LPIN1: variants seen among roughly 807,000 people sequenced by gnomAD.
LPIN1 encodes phosphatidate phosphatase LPIN1.
A neutral mutation model predicts 107.5 loss-of-function variants in LPIN1; 71 were observed. The observed-to-expected ratio is 0.66, with a 90% CI of 0.55 to 0.80. The LOEUF (loss-of-function observed/expected upper bound fraction) is 0.80. Ranked by LOEUF, LPIN1 falls within the 30% of genes least tolerant of loss-of-function variation. LPIN1 has a pLI of 0.00. For missense variants in LPIN1, 1,043 were observed against 1,160.6 expected, an observed-to-expected ratio of 0.90 and a Z score of 1.47; for synonymous variants, 445 against 452.6, an observed-to-expected ratio of 0.98 and a Z score of 0.21.
chr2:11,708,113 A>G (rs929209422), intron 1 of LPIN1, among the ~76,000 whole-genome samples: 5 of 152,124 alleles, frequency 3.3e-5, no homozygotes, highest in African/African-American at 1.2e-4. Context: ...CTAACAGGAC[A>G]GAGAAGGAAA....
At chr2:11,790,506 G>A (rs1451536797) in intron 12 of LPIN1, among the ~76,000 whole-genome samples, 1 of 152,200 alleles carries the variant, frequency 6.6e-6, no homozygotes, top group African/African-American at 2.4e-5. Context: ...GAACGGCTTC[G>A]ACCATTGAGG....
Position 11,771,635 on chromosome 2 carries a change from C to T in LPIN1, c.552C>T (p.Ile184=), listed in dbSNP as rs11538448. 199,447 of 1,603,708 alleles carry T rather than the reference C, an allele frequency of 0.12. 14,091 individuals are homozygous for T. Among genetic ancestry groups the T allele is most frequent in the Non-Finnish European group, 0.14 (169,784 of 1,174,968 alleles). Reference sequence around the variant, plus strand: ...CTGAGGATGAGGACATGTTCCCCATCGAGATGAGCTCGGATGAGGCCATGG... The same window carrying T: ...CTGAGGATGAGGACATGTTCCCCATTGAGATGAGCTCGGATGAGGCCATGG... The part of the protein sequence containing the change: ...NTSEDEDMFP[I]EMSSDEAMEL... The change falls in exon 4 of 21, where the codon ATC becomes ATT. Residue 184 remains isoleucine, a synonymous_variant. Transcript: ENST00000674199. This position sits in a 1 kb window ranked among gnomAD's most constrained non-coding sequence, Gnocchi z 4.8.
rs73915572 is a variant in LPIN1, at chr2:11,798,731, G to A, written c.1886+3244G>A. On this transcript the variant is annotated intron_variant, in intron 14 of 20. Transcript: ENST00000674199. ...AATGTAAACCTTTTAATTTATACTG[G>A]CATCTCAGACTTTGAGTCTCCTTAT... Among the ~76,000 whole-genome samples, 611 of 151,328 alleles carry A rather than the reference G, an allele frequency of 4.0e-3. 2 individuals are homozygous for A. Among genetic ancestry groups the A allele is most frequent in the African/African-American group, 0.014 (559 of 41,154 alleles).
chr2:11,795,278 G>T (rs1220686381), intron 13 of LPIN1, 130 bp from the exon 14 acceptor site: 5 of 766,674 alleles, frequency 6.5e-6, no homozygotes, highest in Non-Finnish European at 1.2e-5. Context: ...GCGATCGCTA[G>T]GGTGGGCGTC....
intron 20 of LPIN1, among the ~76,000 whole-genome samples, chr2:11,823,997 C>T (rs1446431013): frequency 6.6e-6 from 1 of 152,086 alleles, no homozygotes; most frequent in Non-Finnish European, 1.5e-5. Context: ...GATAATTTGT[C>T]ATTTAGATAC....
At chr2:11,732,432 T>TGACA (rs1413773471) in intron 1 of LPIN1, among the ~76,000 whole-genome samples, 1 of 152,246 alleles carries the variant, frequency 6.6e-6, no homozygotes, top group African/African-American at 2.4e-5. Flanking sequence ...AGTCAGGGAC[T>TGACA]GACAGACAGA....
In LPIN1 at chr2:11,771,688, T is replaced by C; in HGVS notation, c.596+9T>C. ...CTGCTGGAGAGCAGCAGGTAATAAC[T>C]GTCCAGGGTGGAGGGGCTGTGCCAG... On this transcript the variant is annotated intron_variant, in intron 4 of 20. Coordinates refer to ENST00000674199, the MANE Select transcript of LPIN1 (RefSeq NM_001349206.2). The surrounding 1 kb of genome is among the most constrained non-coding windows in gnomAD (Gnocchi z 4.8). The C allele has an allele frequency of 6.3e-7, 1 of 1,580,088 alleles. No individual in the cohort carries two copies. The highest frequency in any genetic ancestry group is 8.6e-7 in the Non-Finnish European group (1 of 1,162,910).
chr2:11,769,808 C>T (rs1002197824), intron 3 of LPIN1, among the ~76,000 whole-genome samples: 2 of 152,162 alleles, frequency 1.3e-5, no homozygotes, highest in African/African-American at 2.4e-5. Context: ...TGAATGAAAT[C>T]GACTTGAACT....
chr2:11,685,343 C>T (rs1438750108), intron 1 of LPIN1, among the ~76,000 whole-genome samples: 1 of 152,160 alleles, frequency 6.6e-6, no homozygotes, highest in Non-Finnish European at 1.5e-5. Context: ...GCATTGGCCT[C>T]GACCCCACCT....
At chr2:11,816,929 CT>C (rs1341460201) in intron 18 of LPIN1, 3 of 152,010 alleles carry the variant, frequency 2.0e-5, no homozygotes, top group African/African-American at 7.3e-5. Context: ...CCCCAACCCC[CT>C]GACTGGCCCT....
At chr2:11,759,264 A>G (rs1384902000) in intron 1 of LPIN1, among the ~76,000 whole-genome samples, 1 of 151,050 alleles carries the variant, frequency 6.6e-6, no homozygotes, top group African/African-American at 2.4e-5. Flanking sequence ...ACAACAGTGG[A>G]GGGAAGGTCA....
chr2:11,784,082 A>G, intron 9 of LPIN1, 160 bp downstream of exon 9: 1 of 1,239,818 alleles, frequency 8.1e-7, no homozygotes, highest in East Asian at 2.9e-5. Flanking sequence ...AGGTGGGCGG[A>G]TCACTTGAGG....
chr2:11,741,806 T>C (rs1347847331), upstream of LPIN1, among the ~76,000 whole-genome samples: 2 of 150,574 alleles, frequency 1.3e-5, no homozygotes, highest in East Asian at 4.0e-4. Context: ...TGAGACTCCA[T>C]CTCAAAAACA....
intron 13 of LPIN1, among the ~76,000 whole-genome samples, chr2:11,793,661 C>T (rs896741394): frequency 2.0e-5 from 3 of 152,226 alleles, no homozygotes; most frequent in Admixed American, 1.3e-4. Context: ...CTGTGGACCC[C>T]TCTCCCCTGC....
intron 14 of LPIN1, among the ~76,000 whole-genome samples, chr2:11,797,004 G>C (rs1307632591): frequency 2.6e-5 from 4 of 152,204 alleles, no homozygotes; most frequent in Non-Finnish European, 4.4e-5. Context: ...CTGGGATGGA[G>C]CTGGCCTGGA....
intron 17 of LPIN1, among the ~76,000 whole-genome samples, chr2:11,812,797 T>C (rs1679904722): frequency 6.6e-6 from 1 of 152,090 alleles, no homozygotes; most frequent in Admixed American, 6.6e-5. Context: ...CGCTTTACAT[T>C]TTCTTAGAGC....
chr2:11,824,597 G>T, intron 20 of LPIN1, 35 bp from the exon 21 acceptor site: 2 of 1,612,820 alleles, frequency 1.2e-6, no homozygotes, highest in Non-Finnish European at 1.7e-6. Flanking sequence ...AGCTGGTATC[G>T]CTCAGTGCCA....
intron 1 of LPIN1, among the ~76,000 whole-genome samples, chr2:11,686,993 C>CTTTTTTT (rs141927239): frequency 2.1e-4 from 18 of 85,138 alleles, no homozygotes; most frequent in Non-Finnish European, 3.3e-4. Context: ...GCTTTTGATC[C>CTTTTTTT]TTTTTTTTTT....
intron 1 of LPIN1, among the ~76,000 whole-genome samples, chr2:11,685,652 G>A (rs987373564): frequency 1.1e-4 from 16 of 152,180 alleles, no homozygotes; most frequent in South Asian, 4.1e-4. Context: ...TTAGAGACGG[G>A]TTACCGAGTC....
Sources: gnomAD v4.1 joint callset for allele counts (sites outside exome capture counted in the v4.1 genomes callset) on GRCh38, gnomAD v4.1.1 for gene constraint, Gnocchi (gnomAD v3.1) non-coding constraint, MANE v1.5 for transcripts, NCBI Gene and HGNC (gene_info 2026-07-23, HGNC 2026-07-21) for gene names.